Variants in OTUB1 observed in about 807,000 individuals in gnomAD.
The protein encoded by OTUB1 is ubiquitin thioesterase OTUB1.
Under a neutral mutation model 35.8 loss-of-function variants are expected in OTUB1, and 10 were observed. The ratio of observed to expected loss-of-function variants is 0.28; its 90% CI spans 0.17 to 0.47. The LOEUF is 0.47. Ranked by LOEUF, OTUB1 falls within the 20% of genes least tolerant of loss-of-function variation. The pLI, the probability that OTUB1 is intolerant of heterozygous loss-of-function variation, is 0.99. For missense variants in OTUB1, 264 were observed against 351.6 expected (o/e 0.75, Z 1.99); for synonymous variants, 158 against 143.8 (o/e 1.10, Z -0.71).
Position 63,997,730 on chromosome 11 carries a change from G to C in OTUB1, c.*184G>C. The stretch of plus-strand genomic sequence containing the variant: ...CGTGTGTGCGTGTCCCTGCTCTGCT[G>C]CCCGCCTGGCTGCTCTGTCTGCTGC... On this transcript the variant is annotated 3_prime_UTR_variant, in exon 7 of 7. Transcript: ENST00000538426. The C allele has an allele frequency of 2.8e-6, 2 of 707,270 alleles. No individual in the cohort carries two copies. The highest frequency in any genetic ancestry group is 3.0e-5 in the South Asian group (2 of 67,734). 43.8% of individuals were successfully genotyped at this position (707,270 alleles called of 1,614,324 possible). A position where few individuals can be genotyped will look rare whatever the true frequency, so the allele number is the denominator to read the frequency against.
At position 63,997,770 on chromosome 11, in the gene OTUB1, T is replaced by G. The variant is rs1942738773; in HGVS notation, c.*224T>G. 1 of 701,004 alleles carries G rather than the reference T, an allele frequency of 1.4e-6. No individual in the cohort carries two copies. The highest frequency in any genetic ancestry group is 2.7e-5 in the East Asian group (1 of 37,266). The allele number at this position is 701,004 out of a possible 1,614,324, so 43.4% of individuals were successfully genotyped here. Reference sequence around the variant, plus strand: ...CTGTCTGCTGCCCCCTCCCCCCAGGTGGGTCCCCCTGCTTTTCACCTATCT... The same window carrying G: ...CTGTCTGCTGCCCCCTCCCCCCAGGGGGGTCCCCCTGCTTTTCACCTATCT... On this transcript the variant is annotated 3_prime_UTR_variant, in exon 7 of 7. Transcript: ENST00000538426.
chr11:63,991,270 G>A (rs371354102), intron 3 of OTUB1, among the ~76,000 whole-genome samples: 2 of 152,174 alleles, frequency 1.3e-5, no homozygotes, highest in East Asian at 1.9e-4. Context: ...TGTAAGCAGC[G>A]GGTTACAAAG....
At chr11:63,992,798 A>C (rs915448472) in intron 3 of OTUB1, among the ~76,000 whole-genome samples, 2 of 148,998 alleles carry the variant, frequency 1.3e-5, no homozygotes, top group African/African-American at 2.5e-5. Context: ...TGATCCACCC[A>C]CTTTGGCCTC....
chr11:63,988,589 C>T lies in OTUB1; in HGVS notation c.121-65C>T, dbSNP rs1209711777. On this transcript the variant is annotated intron_variant, in intron 2 of 6. Transcript: ENST00000538426. ...CCAGCCCAGCTCTTTTGTAGTTATT[C>T]TGTCTGTTAGGCATGGGTCACTCCA... is the stretch of plus-strand genomic sequence containing the variant. The T allele has an allele frequency of 3.7e-6, 5 of 1,351,744 alleles. No individual in the cohort carries two copies. In the South Asian group the frequency reaches 4.7e-5, roughly 13 times the overall value. 83.7% of individuals were successfully genotyped at this position (1,351,744 alleles called of 1,614,324 possible).
At chr11:63,995,200 ACTTG>A (rs1393505211) in intron 3 of OTUB1, among the ~76,000 whole-genome samples, 1 of 151,960 alleles carries the variant, frequency 6.6e-6, no homozygotes, top group Non-Finnish European at 1.5e-5. Context: ...TGTGCAGCTC[ACTTG>A]CTTATTTTTC....
At chr11:63,996,698 C>T (rs1565186567) in intron 4 of OTUB1, 50 bp downstream of exon 4, 2 of 1,613,830 alleles carry the variant, frequency 1.2e-6, no homozygotes, top group East Asian at 2.2e-5. Flanking sequence ...TCTACCTCCT[C>T]CCCGGGCGAG....
At chr11:63,993,569 CAGG>C (rs1483854351) in intron 3 of OTUB1, among the ~76,000 whole-genome samples, 1 of 150,370 alleles carries the variant, frequency 6.7e-6, no homozygotes, top group Non-Finnish European at 1.5e-5. Flanking sequence ...GAGGCTGAGA[CAGG>C]AGAATTGCTT....
intron 3 of OTUB1, among the ~76,000 whole-genome samples, chr11:63,994,210 G>C (rs188485131): frequency 6.6e-6 from 1 of 152,134 alleles, no homozygotes; most frequent in Non-Finnish European, 1.5e-5. Flanking sequence ...CCTCATGCCC[G>C]TGGTCACATG....
intron 3 of OTUB1, among the ~76,000 whole-genome samples, chr11:63,995,153 G>C (rs1942705455): frequency 6.6e-6 from 1 of 152,138 alleles, no homozygotes; most frequent in African/African-American, 2.4e-5. Flanking sequence ...TCCGACCTCA[G>C]CCTCTCGAGT....
chr11:63,986,495 G>A lies in OTUB1; in HGVS notation c.39G>A (p.Pro13=). Reference sequence around the variant, plus strand: ...AACCTCAGCAGCAGAAGCAGGAGCCGCTGGGCAGCGACTCCGAAGGTACAG... The same window carrying A: ...AACCTCAGCAGCAGAAGCAGGAGCCACTGGGCAGCGACTCCGAAGGTACAG... ...AEEPQQQKQE[P]LGSDSEGVNC... Residue 13 remains proline (P), a synonymous_variant, in exon 1 of 7, where the codon CCG becomes CCA. Transcript: ENST00000538426. 1 of 1,552,702 alleles carries A rather than the reference G, an allele frequency of 6.4e-7. No individual in the cohort carries two copies. Among genetic ancestry groups the A allele is most frequent in the Non-Finnish European group, 8.7e-7 (1 of 1,148,496 alleles).
At position 63,997,684 on chromosome 11, in the gene OTUB1, A is replaced by C; in HGVS notation, c.*138A>C. ...CATGACCCCCCCCCATGTTTTATTA[A>C]AGGGGGTGCTGGTGGTGAGCCGTGT... On this transcript the variant is annotated 3_prime_UTR_variant, in exon 7 of 7. Transcript: ENST00000538426. 2.7e-6 allele frequency: 2 copies of C among 754,020 alleles called. No homozygotes were observed. The highest frequency in any genetic ancestry group is 1.7e-5 in the African/African-American group (1 of 57,536). 46.7% of individuals were successfully genotyped at this position (754,020 alleles called of 1,614,324 possible).
intron 1 of OTUB1, 56 bp from the exon 2 acceptor site, chr11:63,988,281 C>G (rs1942638853): frequency 2.1e-6 from 3 of 1,446,554 alleles, no homozygotes; most frequent in Non-Finnish European, 1.9e-6. Context: ...GCCCAGCTGC[C>G]TGCAGTGGAG....
Position 63,998,069 on chromosome 11 carries a change from G to C in OTUB1, c.*523G>C. The C allele has an allele frequency of 2.3e-6, 1 of 427,338 alleles. No individual in the cohort carries two copies. Among genetic ancestry groups the C allele is most frequent in the African/African-American group, 2.0e-5 (1 of 49,982 alleles). 26.5% of individuals were successfully genotyped at this position (427,338 alleles called of 1,614,324 possible). ...CATGGTTGGGAGTCCTGGGTGGAGG[G>C]GCCTTTGTGAGGCTGGACCCGGCTC... On this transcript the variant is annotated 3_prime_UTR_variant, in exon 7 of 7. Transcript: ENST00000538426.
At chr11:63,987,215 C>T (rs944752272) in intron 1 of OTUB1, among the ~76,000 whole-genome samples, 6 of 152,122 alleles carry the variant, frequency 3.9e-5, no homozygotes, top group Non-Finnish European at 5.9e-5. Flanking sequence ...CAGAGTAGTG[C>T]GAAAAGGGTA....
At chr11:63,992,558 T>TGA (rs58310185) in intron 3 of OTUB1, among the ~76,000 whole-genome samples, 1,909 of 151,880 alleles carry the variant, frequency 0.013, 37 homozygotes, top group African/African-American at 0.044. Flanking sequence ...TCTTTTTTTT[T>TGA]GAGAGAGAGT....
In OTUB1 at chr11:63,998,119, C is replaced by CGA; in HGVS notation, c.*573_*574insGA. ...CAGGGCAGGTGGAGGAGCTGGGCCT[C>CGA]CCACAGGGTGCCCGGGCAGTGCCAT... On this transcript the variant is annotated 3_prime_UTR_variant, in exon 7 of 7. Coordinates refer to ENST00000538426, the MANE Select transcript of OTUB1 (RefSeq NM_017670.3). The CGA allele has an allele frequency of 3.0e-5, 10 of 328,458 alleles. No individual in the cohort carries two copies. Among genetic ancestry groups the CGA allele is most frequent in the South Asian group, 1.3e-4 (4 of 30,252 alleles). The allele number at this position is 328,458 out of a possible 1,614,324, so 20.3% of individuals were successfully genotyped here. A position where few individuals can be genotyped will look rare whatever the true frequency, so the allele number is the denominator to read the frequency against.
intron 3 of OTUB1, among the ~76,000 whole-genome samples, chr11:63,995,001 G>T (rs1942703982): frequency 6.6e-6 from 1 of 152,072 alleles, no homozygotes; most frequent in Admixed American, 6.5e-5. Flanking sequence ...AGTAGGGTGG[G>T]AAAAATTGAT....
In OTUB1 at chr11:63,996,629, G is replaced by A; in HGVS notation, c.319G>A (p.Asp107Asn). 1.2e-6 allele frequency: 2 copies of A among 1,614,232 alleles called. No homozygotes were observed. The highest frequency in any genetic ancestry group is 1.7e-6 in the Non-Finnish European group (2 of 1,180,046). ...CTCCCACTTGGAGGCACTGCTGGAT[G>A]ACAGCAAGGAGTTGCAGCGGTGAGA... ...GFSHLEALLD[D>N]SKELQRFKAV... is the part of the protein sequence containing the mutation. Residue 107 changes from aspartate to asparagine, a missense_variant, in exon 4 of 7, where the codon GAC becomes AAC. This residue lies in a region of OTUB1 where 214 missense variants were observed against 317.1 expected (regional missense o/e 0.67). Coordinates refer to ENST00000538426, the MANE Select transcript of OTUB1 (RefSeq NM_017670.3).
chr11:63,998,089 C>A lies in OTUB1; in HGVS notation c.*543C>A, dbSNP rs1247098123. ...GGAGGGGCCTTTGTGAGGCTGGACC[C>A]GGCTCAGGGCAGGTGGAGGAGCTGG... On this transcript the variant is annotated 3_prime_UTR_variant, in exon 7 of 7. Coordinates refer to ENST00000538426, the MANE Select transcript of OTUB1 (RefSeq NM_017670.3). 2.7e-6 allele frequency: 1 copy of A among 373,462 alleles called. No homozygotes were observed. The highest frequency in any genetic ancestry group is 5.8e-5 in the East Asian group (1 of 17,164). 23.1% of individuals were successfully genotyped at this position (373,462 alleles called of 1,614,324 possible).
Sources: gnomAD v4.1 joint callset for allele counts (sites outside exome capture counted in the v4.1 genomes callset) on GRCh38, gnomAD v4.1.1 for gene constraint, gnomAD v4.1.1 regional missense constraint, MANE v1.5 for transcripts, NCBI Gene and HGNC (gene_info 2026-07-23, HGNC 2026-07-21) for gene names.